The following SEPTIN9 variants were observed in gnomAD, a reference collection of about 807,000 sequenced individuals.
SEPTIN9 encodes the protein septin 9, also known as septin-9.
In SEPTIN9, 13 loss-of-function variants were observed where a neutral mutation model predicts 56.6. The observed-to-expected ratio is 0.23, with a 90% CI of 0.15 to 0.37. SEPTIN9 has a LOEUF of 0.37. SEPTIN9 is among the 10% of genes least tolerant of loss of function. The pLI, the probability that SEPTIN9 is intolerant of heterozygous loss-of-function variation, is 1.00. For missense variants in SEPTIN9, 650 were observed against 823.1 expected (o/e 0.79, Z 2.57); for synonymous variants, 332 against 334.1 (o/e 0.99, Z 0.07).
chr17:77,298,089 G>A (rs1033045051), intron 1 of SEPTIN9, among the ~76,000 whole-genome samples: 1 of 152,236 alleles, frequency 6.6e-6, no homozygotes, highest in African/African-American at 2.4e-5. Flanking sequence ...TCCCTCCAAA[G>A]CTCAGTCATT....
intron 2 of SEPTIN9, among the ~76,000 whole-genome samples, chr17:77,325,585 C>T (rs564320711): frequency 1.8e-4 from 28 of 152,176 alleles, no homozygotes; most frequent in African/African-American, 5.8e-4. Flanking sequence ...GCCTGCCCTG[C>T]GGACATGCCC....
intron 10 of SEPTIN9, 125 bp downstream of exon 10, chr17:77,493,201 A>G: frequency 1.6e-6 from 1 of 628,784 alleles, no homozygotes; most frequent in Non-Finnish European, 2.6e-6. Flanking sequence ...TGCCCCACCC[A>G]GAGGGAGGGG....
At chr17:77,464,222 G>A (rs557938188) in intron 3 of SEPTIN9, among the ~76,000 whole-genome samples, 1 of 152,044 alleles carries the variant, frequency 6.6e-6, no homozygotes, top group Non-Finnish European at 1.5e-5. Flanking sequence ...ATTACAAGGT[G>A]CCTGCCACCA....
At position 77,500,332 on chromosome 17, in the gene SEPTIN9, G is replaced by A. The variant is rs2040447447; in HGVS notation, c.*1674G>A. 1.2e-5 allele frequency: 2 copies of A among 164,616 alleles called. No individual in the cohort carries two copies. The highest frequency in any genetic ancestry group is 1.4e-4 in the East Asian group (1 of 7,094). 10.2% of individuals were successfully genotyped at this position (164,616 alleles called of 1,614,324 possible). ...ATTTTGAAGGAAATGAGTGGCCAGC[G>A]CCAGGGCCCAGGCCATGTGGCCTGC... On this transcript the variant is annotated 3_prime_UTR_variant, in exon 12 of 12. Coordinates refer to ENST00000427177, the MANE Select transcript of SEPTIN9 (RefSeq NM_001113491.2).
rs35151530 is a variant in SEPTIN9 at position 77,342,074 on chromosome 17, C to CA, written c.76+34890dup. On this transcript the variant is annotated intron_variant, in intron 2 of 11. Coordinates refer to ENST00000427177, the MANE Select transcript of SEPTIN9 (RefSeq NM_001113491.2). ...CTCCAGACAGAGCAAGACTCTGTCT[C>CA]AAAAAAAAAAAAACAAAGAAAGAAA... Among the ~76,000 whole-genome samples, 278 of 130,362 alleles carry CA rather than the reference C, an allele frequency of 2.1e-3. 1 individual carries two copies. Among genetic ancestry groups the CA allele is most frequent in the African/African-American group, 6.3e-3 (218 of 34,390 alleles). The allele number at this position is 130,362 out of a possible 152,430, so 85.5% of individuals were successfully genotyped here.
Position 77,451,288 on chromosome 17 carries a change from C to G in SEPTIN9, c.722-30856C>G. 1 of 867,088 alleles carries G rather than the reference C, an allele frequency of 1.2e-6. No homozygotes were observed. The highest frequency in any genetic ancestry group is 1.4e-6 in the Non-Finnish European group (1 of 721,552). The allele number at this position is 867,088 out of a possible 1,614,324, so 53.7% of individuals were successfully genotyped here. A position where few individuals can be genotyped will look rare whatever the true frequency, so the allele number is the denominator to read the frequency against. On this transcript the variant is annotated intron_variant, in intron 3 of 11. Transcript: ENST00000427177. The surrounding 1 kb of genome is among the most constrained non-coding windows in gnomAD (Gnocchi z 4.2). The stretch of plus-strand genomic sequence containing the variant: ...GCGCCGGGCCTGCCGCTGGGCGCCC[C>G]TATCTCTGCCTGCCCCCTCCTCCTG...
At chr17:77,307,906 G>A (rs948687764) in intron 2 of SEPTIN9, among the ~76,000 whole-genome samples, 3 of 152,212 alleles carry the variant, frequency 2.0e-5, no homozygotes, top group Non-Finnish European at 4.4e-5. Context: ...CCAGGGCTGA[G>A]TCTGCGCGTC....
At position 77,418,423 on chromosome 17, in the gene SEPTIN9, A is replaced by G. The variant is rs1368645085; in HGVS notation, c.721+15720A>G. 3.3e-5 allele frequency among the ~76,000 whole-genome samples: 5 copies of G among 151,562 alleles called. No individual in the cohort carries two copies. In the South Asian group the frequency reaches 8.3e-4, roughly 25 times the overall value. On this transcript the variant is annotated intron_variant, in intron 3 of 11. Transcript: ENST00000427177. ...AGTGGTGCCATCTTGGCTCACTGCA[A>G]TCTCCACCTCCTGGGTTCAAGCAAT...
rs1400464404 is a variant in SEPTIN9, at chr17:77,313,371, C to T, written c.76+6174C>T. ...CTTCCACGCTGACCTGGAAGGACTC[C>T]TAAAGCAACAGGCCTGCCCAGGCGG... On this transcript the variant is annotated intron_variant, in intron 2 of 11. Transcript: ENST00000427177. The surrounding 1 kb of genome is among the most constrained non-coding windows in gnomAD (Gnocchi z 4.5). Among the ~76,000 whole-genome samples, 13 of 152,262 alleles carry T rather than the reference C, an allele frequency of 8.5e-5. No individual in the cohort carries two copies. The highest frequency in any genetic ancestry group is 6.5e-4 in the Admixed American group (10 of 15,288).
intron 3 of SEPTIN9, among the ~76,000 whole-genome samples, chr17:77,407,880 C>T (rs763913981): frequency 1.3e-5 from 2 of 152,198 alleles, no homozygotes; most frequent in Admixed American, 6.5e-5. Flanking sequence ...TTTCCTGCCC[C>T]CCAACATGGG....
intron 2 of SEPTIN9, among the ~76,000 whole-genome samples, chr17:77,363,433 G>C (rs928501461): frequency 1.6e-5 from 2 of 123,706 alleles, no homozygotes; most frequent in Admixed American, 1.1e-4. Flanking sequence ...TGTTGCCCAG[G>C]CTGGAGTGCA....
intron 3 of SEPTIN9, among the ~76,000 whole-genome samples, chr17:77,428,594 C>T (rs751965058): frequency 3.3e-5 from 5 of 152,236 alleles, no homozygotes; most frequent in Non-Finnish European, 5.9e-5. Flanking sequence ...TTGAAGTAGG[C>T]TGTGCGGCGG....
Position 77,319,778 on chromosome 17 carries a change from T to G in SEPTIN9, c.76+12581T>G. The G allele has an allele frequency of 9.3e-7, 1 of 1,073,542 alleles. No individual in the cohort carries two copies. Among genetic ancestry groups the G allele is most frequent in the South Asian group, 4.2e-5 (1 of 23,624 alleles). The allele number at this position is 1,073,542 out of a possible 1,614,324, so 66.5% of individuals were successfully genotyped here. A position where few individuals can be genotyped will look rare whatever the true frequency, so the allele number is the denominator to read the frequency against. On this transcript the variant is annotated intron_variant, in intron 2 of 11. Transcript: ENST00000427177. This position sits in a 1 kb window ranked among gnomAD's most constrained non-coding sequence, Gnocchi z 5.3. Reference sequence around the variant, plus strand: ...CGCGGGACAGGGAAAATGAAAGACTTTGGAAGTCGTCAGGAATTTGACTCT... The same window carrying G: ...CGCGGGACAGGGAAAATGAAAGACTGTGGAAGTCGTCAGGAATTTGACTCT...
intron 3 of SEPTIN9, among the ~76,000 whole-genome samples, chr17:77,431,536 T>A (rs911638372): frequency 6.6e-6 from 1 of 152,156 alleles, no homozygotes; most frequent in Non-Finnish European, 1.5e-5. Flanking sequence ...TTTTCTCTGC[T>A]TTGTATGAGA....
At chr17:77,394,725 G>C (rs532192554) in intron 2 of SEPTIN9, among the ~76,000 whole-genome samples, 1 of 152,320 alleles carries the variant, frequency 6.6e-6, no homozygotes, top group African/African-American at 2.4e-5. Context: ...GGAAGTGCTT[G>C]ATCTGGTTTC....
intron 2 of SEPTIN9, among the ~76,000 whole-genome samples, chr17:77,360,157 CAAAAA>C (rs59677016): frequency 1.7e-5 from 2 of 120,882 alleles, no homozygotes; most frequent in Non-Finnish European, 3.5e-5. Context: ...AACTCTGTCT[CAAAAA>C]AAAAAAAAAA....
chr17:77,329,977 T>C lies in SEPTIN9; in HGVS notation c.76+22780T>C, dbSNP rs2033285791. On this transcript the variant is annotated intron_variant, in intron 2 of 11. Coordinates refer to ENST00000427177, the MANE Select transcript of SEPTIN9 (RefSeq NM_001113491.2). This position sits in a 1 kb window ranked among gnomAD's most constrained non-coding sequence, Gnocchi z 4.3. ...TGGGGGCTGCAGTCCATGCCCCCGC[T>C]CCAGGCAACACAGTCGAGCTGCAGC... 6.6e-6 allele frequency among the ~76,000 whole-genome samples: 1 copy of C among 152,094 alleles called. No individual in the cohort carries two copies. Among genetic ancestry groups the C allele is most frequent in the African/African-American group, 2.4e-5 (1 of 41,416 alleles).
At chr17:77,390,040 G>A (rs1048188883) in intron 2 of SEPTIN9, among the ~76,000 whole-genome samples, 23 of 152,164 alleles carry the variant, frequency 1.5e-4, no homozygotes, top group Non-Finnish European at 3.1e-4. Context: ...GGCACAGAGA[G>A]GCCTTCGTCC....
chr17:77,485,333 T>A (rs560828527), intron 4 of SEPTIN9, among the ~76,000 whole-genome samples: 1 of 121,326 alleles, frequency 8.2e-6, no homozygotes, highest in East Asian at 2.4e-4. Context: ...GTGATGGGGA[T>A]GATGGTGGTG....
Sources: allele counts gnomAD v4.1 joint callset (sites outside exome capture counted in the v4.1 genomes callset), GRCh38; gene constraint gnomAD v4.1.1; non-coding constraint Gnocchi (gnomAD v3.1); transcripts MANE v1.5; gene names NCBI Gene and HGNC (gene_info 2026-07-23, HGNC 2026-07-21).